The following DNAJC10 variants were observed in gnomAD, a reference collection of about 807,000 sequenced individuals.
The protein encoded by DNAJC10 is DnaJ heat shock protein family (Hsp40) member C10, also known as endoplasmic reticulum disulfide reductase DNAJC10.
Under a neutral mutation model 115.0 loss-of-function variants are expected in DNAJC10, and 101 were observed. The ratio of observed to expected loss-of-function variants is 0.88; its 90% CI spans 0.75 to 1.04. The LOEUF is 1.04. DNAJC10 is among the 50% of genes least tolerant of loss of function. The probability of loss-of-function intolerance (pLI) is 0.00; values close to 1 mark genes in which losing one functional copy is unlikely to be tolerated. For missense variants in DNAJC10, 981 were observed against 928.8 expected, an observed-to-expected ratio of 1.06 and a Z score of -0.73; for synonymous variants, 307 against 301.5, an observed-to-expected ratio of 1.02 and a Z score of -0.19.
chr2:182,762,049 G>A (rs912162075), intron 21 of DNAJC10, among the ~76,000 whole-genome samples: 3 of 152,018 alleles, frequency 2.0e-5, no homozygotes, highest in Non-Finnish European at 2.9e-5. Context: ...AGCGGTCACT[G>A]GTGAACTTAC....
At chr2:182,729,507 CTG>C (rs1458737228) in intron 7 of DNAJC10, among the ~76,000 whole-genome samples, 1 of 152,132 alleles carries the variant, frequency 6.6e-6, no homozygotes, top group Non-Finnish European at 1.5e-5. Context: ...ATTTCAGTTT[CTG>C]TCTTAAGGAA....
chr2:182,769,619 G>A (rs1375508042), intron 22 of DNAJC10, among the ~76,000 whole-genome samples: 1 of 152,134 alleles, frequency 6.6e-6, no homozygotes, highest in African/African-American at 2.4e-5. Flanking sequence ...CTGCATAGAT[G>A]TCTTCTTTTG....
rs909554595 is a variant in DNAJC10 at position 182,790,092 on chromosome 2, C to T, written c.*12960C>T. 1 of 152,180 alleles carries T rather than the reference C, an allele frequency of 6.6e-6. No homozygotes were observed. The highest frequency in any genetic ancestry group is 1.5e-5 in the Non-Finnish European group (1 of 68,036). 9.4% of individuals were successfully genotyped at this position (152,180 alleles called of 1,614,324 possible). ...ACTTCCACTGTAAAGCCTTTGCTGA[C>T]TTCTTTACTTCACATTGATTTCTGA... On this transcript the variant is annotated 3_prime_UTR_variant, in exon 24 of 24. Coordinates refer to ENST00000264065, the MANE Select transcript of DNAJC10 (RefSeq NM_018981.4).
Position 182,777,231 on chromosome 2 carries a change from C to A in DNAJC10, c.*99C>A. 4.0e-6 allele frequency: 3 copies of A among 741,720 alleles called. No individual in the cohort carries two copies. The highest frequency in any genetic ancestry group is 1.8e-5 in the African/African-American group (1 of 55,634). The allele number at this position is 741,720 out of a possible 1,614,324, so 45.9% of individuals were successfully genotyped here. Reference sequence around the variant, plus strand: ...TACATTTATGATGGGAATGAATGAACATTATCTTAGACTTGCAGTTGTACT... The same window carrying A: ...TACATTTATGATGGGAATGAATGAAAATTATCTTAGACTTGCAGTTGTACT... On this transcript the variant is annotated 3_prime_UTR_variant, in exon 24 of 24. Coordinates refer to ENST00000264065, the MANE Select transcript of DNAJC10 (RefSeq NM_018981.4).
rs989820023 is a variant in DNAJC10, at chr2:182,742,722, C to A, written c.1192-876C>A. ...TTTCATTTAATTGCTTTCAACTGGT[C>A]GGGGAAAAATACTTTTTCATGATTA... On this transcript the variant is annotated intron_variant, in intron 13 of 23. Transcript: ENST00000264065. Among the ~76,000 whole-genome samples the A allele has an allele frequency of 2.0e-5, 3 of 152,024 alleles. 1 individual carries two copies. Among genetic ancestry groups the A allele is most frequent in the Admixed American group, 2.0e-4 (3 of 15,258 alleles).
chr2:182,755,967 TC>T (rs1171020645), intron 17 of DNAJC10, among the ~76,000 whole-genome samples: 1 of 152,194 alleles, frequency 6.6e-6, no homozygotes, highest in African/African-American at 2.4e-5. Flanking sequence ...AACTTAAAAA[TC>T]TAAGTTAGGT....
chr2:182,762,812 A>G lies in DNAJC10; in HGVS notation c.2265+11A>G. The stretch of plus-strand genomic sequence containing the variant: ...TACGAAAGAGCAAAGGTATGTCCAG[A>G]CTTTCCTCTGTTCCTTCCCTTAGTA... On this transcript the variant is annotated intron_variant, in intron 22 of 23. Transcript: ENST00000264065. 6.2e-7 allele frequency: 1 copy of G among 1,609,690 alleles called. No homozygotes were observed.
At chr2:182,739,297 C>T (rs1366117596) in intron 11 of DNAJC10, among the ~76,000 whole-genome samples, 1 of 147,508 alleles carries the variant, frequency 6.8e-6, no homozygotes, top group Non-Finnish European at 1.5e-5. Flanking sequence ...AGGGAAAAAA[C>T]CTGAATTTTT....
At chr2:182,738,254 A>G (rs1693635356) in intron 11 of DNAJC10, among the ~76,000 whole-genome samples, 1 of 151,782 alleles carries the variant, frequency 6.6e-6, no homozygotes, top group South Asian at 2.1e-4. Context: ...TTATCTGTTT[A>G]GAATGGGAGC....
intron 23 of DNAJC10, among the ~76,000 whole-genome samples, chr2:182,775,869 T>C (rs1163647313): frequency 6.6e-6 from 1 of 152,168 alleles, no homozygotes. Flanking sequence ...CCAAATATTA[T>C]ATAATACTAT....
At chr2:182,754,814 C>T (rs1694115857) in intron 16 of DNAJC10, 189 bp from the exon 17 acceptor site, 15 of 1,325,156 alleles carry the variant, frequency 1.1e-5, no homozygotes, top group Non-Finnish European at 1.5e-5. Context: ...AGGTATTCAT[C>T]AGTATTTAGC....
Position 182,743,646 on chromosome 2 carries a change from T to G in DNAJC10, c.1240T>G (p.Tyr414Asp). The G allele has an allele frequency of 3.7e-6, 6 of 1,613,824 alleles. No homozygotes were observed. The highest frequency in any genetic ancestry group is 5.1e-6 in the Non-Finnish European group (6 of 1,179,844). ...TGCACCAGACATCTGTAGTAATCTG[T>G]ATGTTTTTCAGCCGTCTCTAGCAGT... ...SSAPDICSNL[Y>D]VFQPSLAVFK... The change falls in exon 14 of 24, where the codon TAT becomes GAT. Residue 414 changes from tyrosine to aspartate, a missense_variant. Coordinates refer to ENST00000264065, the MANE Select transcript of DNAJC10 (RefSeq NM_018981.4).
intron 22 of DNAJC10, among the ~76,000 whole-genome samples, chr2:182,772,449 T>C (rs1694590748): frequency 6.6e-6 from 1 of 152,196 alleles, no homozygotes; most frequent in Admixed American, 6.5e-5. Flanking sequence ...TGTGGGAGTC[T>C]AAGTGTCTTT....
In DNAJC10 at chr2:182,763,670, A is replaced by G. The variant is rs919797124; in HGVS notation, c.2265+869A>G. The stretch of plus-strand genomic sequence containing the variant: ...TCTCATGCACAAATAACATACACAC[A>G]GTGCCTCAGTATTTTTCCATGCCCC... On this transcript the variant is annotated intron_variant, in intron 22 of 23. Transcript: ENST00000264065. Among the ~76,000 whole-genome samples, 86 of 152,114 alleles carry G rather than the reference A, an allele frequency of 5.7e-4. 1 individual carries two copies. Among genetic ancestry groups the G allele is most frequent in the Non-Finnish European group, 1.2e-4 (8 of 68,010 alleles).
chr2:182,770,830 A>G lies in DNAJC10; in HGVS notation c.2266-4486A>G, dbSNP rs1214488546. On this transcript the variant is annotated intron_variant, in intron 22 of 23. Transcript: ENST00000264065. ...TTCTTGCCTAATTGCCCTGGCCAGA[A>G]CTTCCAATACTATGTTGAATAGGAG... Among the ~76,000 whole-genome samples the G allele has an allele frequency of 5.9e-5, 9 of 152,204 alleles. 1 individual carries two copies. Among genetic ancestry groups the G allele is most frequent in the Non-Finnish European group, 1.0e-4 (7 of 68,038 alleles).
chr2:182,756,506 T>TAAAATAA lies in DNAJC10; in HGVS notation c.1809+38_1809+39insAAATAAA. 4 of 1,558,268 alleles carry TAAAATAA rather than the reference T, an allele frequency of 2.6e-6. No individual in the cohort carries two copies. In the South Asian group the frequency reaches 4.7e-5, roughly 18 times the overall value. On this transcript the variant is annotated intron_variant, in intron 18 of 23. Coordinates refer to ENST00000264065, the MANE Select transcript of DNAJC10 (RefSeq NM_018981.4). ...ATAGTTTATTTTAAATCTTAACATT[T>TAAAATAA]ACTAAGAATGTTTATTTAACAGAAT... is the stretch of plus-strand genomic sequence containing the variant.
intron 14 of DNAJC10, among the ~76,000 whole-genome samples, chr2:182,745,900 C>T (rs1191139758): frequency 6.6e-6 from 1 of 152,226 alleles, no homozygotes; most frequent in East Asian, 1.9e-4. Context: ...CCCCCCACCC[C>T]ACAACAGTAC....
At chr2:182,775,567 G>A (rs1044561693) in intron 23 of DNAJC10, 147 bp downstream of exon 23, 2 of 561,366 alleles carry the variant, frequency 3.6e-6, no homozygotes, top group Non-Finnish European at 6.5e-6. Context: ...TTGGGAAATA[G>A]GACAATCAAA....
intron 13 of DNAJC10, among the ~76,000 whole-genome samples, chr2:182,742,092 C>T (rs975214218): frequency 2.0e-5 from 3 of 152,020 alleles, no homozygotes; most frequent in Non-Finnish European, 4.4e-5. Context: ...ATGGTTATGC[C>T]ATAATTGTTT....
Sources: allele counts gnomAD v4.1 joint callset (sites outside exome capture counted in the v4.1 genomes callset), GRCh38; gene constraint gnomAD v4.1.1; transcripts MANE v1.5; gene names NCBI Gene and HGNC (gene_info 2026-07-23, HGNC 2026-07-21).